Variants in PIK3C3 observed in about 807,000 individuals in gnomAD.
PIK3C3 encodes the protein PI3-kinase type 3.
In PIK3C3, 95 loss-of-function variants were observed where a neutral mutation model predicts 126.1. That is an observed-to-expected ratio of 0.75 (90% CI 0.64 to 0.89). The LOEUF (loss-of-function observed/expected upper bound fraction) is 0.89, where lower values mean the gene tolerates loss of function less well. Among genes scored for constraint, PIK3C3 ranks in the 40% least tolerant of loss-of-function variants. The pLI is 0.00. For missense variants in PIK3C3, 829 were observed against 1,063.2 expected (o/e 0.78, Z 3.06); for synonymous variants, 374 against 360.0 (o/e 1.04, Z -0.44).
intron 3 of PIK3C3, among the ~76,000 whole-genome samples, chr18:41,964,929 A>G (rs1980280147): frequency 6.6e-6 from 1 of 152,222 alleles, no homozygotes; most frequent in South Asian, 2.1e-4. Context: ...TGGCTATTAA[A>G]GAGATATTTG....
intron 9 of PIK3C3, among the ~76,000 whole-genome samples, chr18:42,001,266 C>T (rs1982275443): frequency 6.6e-6 from 1 of 152,150 alleles, no homozygotes; most frequent in South Asian, 2.1e-4. Flanking sequence ...AAACATTTTA[C>T]ATTCATTAAC....
At position 42,043,790 on chromosome 18, in the gene PIK3C3, G is replaced by A; in HGVS notation, c.2161G>A (p.Val721Ile). 6.2e-7 allele frequency: 1 copy of A among 1,613,038 alleles called. No homozygotes were observed. Among genetic ancestry groups the A allele is most frequent in the Non-Finnish European group, 8.5e-7 (1 of 1,179,204 alleles). The change falls in exon 20 of 25, where the codon GTC (valine) becomes ATC (isoleucine). Residue 721 changes from valine to isoleucine, a missense_variant. Coordinates refer to ENST00000262039, the MANE Select transcript of PIK3C3 (RefSeq NM_002647.4). ...ENGPNGISAEVMDTYVKSCAG... is the reference protein window; with the variant it reads ...ENGPNGISAEIMDTYVKSCAG... ...TGGGCCAAATGGGATTAGTGCTGAGGTCATGGACACTTACGTTAAAAGCTG... is the reference window on the plus strand; with the variant it reads ...TGGGCCAAATGGGATTAGTGCTGAGATCATGGACACTTACGTTAAAAGCTG...
intron 21 of PIK3C3, among the ~76,000 whole-genome samples, chr18:42,056,593 CT>C (rs1985076463): frequency 6.6e-6 from 1 of 152,050 alleles, no homozygotes; most frequent in Non-Finnish European, 1.5e-5. Context: ...ATATTGTGAG[CT>C]TCTTATTTCT....
At chr18:42,006,835 G>A (rs1227458978) in intron 10 of PIK3C3, among the ~76,000 whole-genome samples, 3 of 150,496 alleles carry the variant, frequency 2.0e-5, no homozygotes, top group Admixed American at 6.7e-5. Context: ...GGGAGGGTAG[G>A]TGGGTATGTT....
At chr18:42,066,608 T>A (rs1985549658) in intron 23 of PIK3C3, among the ~76,000 whole-genome samples, 1 of 152,206 alleles carries the variant, frequency 6.6e-6, no homozygotes, top group South Asian at 2.1e-4. Context: ...ATCTACTGTA[T>A]GTTTGCGTAT....
At chr18:41,978,481 G>A (rs1028763074) in intron 4 of PIK3C3, among the ~76,000 whole-genome samples, 8 of 152,140 alleles carry the variant, frequency 5.3e-5, no homozygotes, top group African/African-American at 1.9e-4. Flanking sequence ...AAAGGACCAA[G>A]GGGTTCTTTG....
intron 9 of PIK3C3, among the ~76,000 whole-genome samples, chr18:42,003,735 G>A (rs10775471): frequency 0.22 from 34,034 of 152,184 alleles, 4,291 homozygotes; most frequent in South Asian, 0.39. Context: ...CCAGATCATA[G>A]ACTGTTTGCT....
At chr18:42,078,925 G>A (rs1598965324) in intron 24 of PIK3C3, among the ~76,000 whole-genome samples, 1 of 152,300 alleles carries the variant, frequency 6.6e-6, no homozygotes, top group East Asian at 1.9e-4. Context: ...ATTAGGCTTT[G>A]GCTTATGGGG....
intron 7 of PIK3C3, among the ~76,000 whole-genome samples, chr18:41,994,236 G>A (rs920382469): frequency 1.3e-5 from 2 of 152,058 alleles, no homozygotes; most frequent in Non-Finnish European, 1.5e-5. Flanking sequence ...GGCCACTTGC[G>A]GATCTGGTAG....
chr18:42,016,063 A>G (rs555309812), intron 12 of PIK3C3, among the ~76,000 whole-genome samples: 2 of 152,316 alleles, frequency 1.3e-5, no homozygotes, highest in African/African-American at 4.8e-5. Context: ...GATGTAGTAC[A>G]TATTTTTTAA....
In PIK3C3 at chr18:42,067,414, G is replaced by A. The variant is rs771102429; in HGVS notation, c.2550G>A (p.Leu850=). The stretch of plus-strand genomic sequence containing the variant: ...TTCAGGATAAATTCCGCTTAGACCT[G>A]TCGGATGAAGAGGCTGTGCATTACA... ...KKVQDKFRLD[L]SDEEAVHYMQ... Residue 850 remains leucine (L), a synonymous_variant, in exon 24 of 25, where the codon CTG becomes CTA. Transcript: ENST00000262039. 12 of 1,613,910 alleles carry A rather than the reference G, an allele frequency of 7.4e-6. No homozygotes were observed. Among genetic ancestry groups the A allele is most frequent in the Middle Eastern group, 1.6e-4 (1 of 6,084 alleles).
At chr18:42,031,411 G>A (rs1983819900) in intron 15 of PIK3C3, among the ~76,000 whole-genome samples, 1 of 152,032 alleles carries the variant, frequency 6.6e-6, no homozygotes, top group Admixed American at 6.6e-5. Flanking sequence ...CTAATAAAAT[G>A]CCTTTTTCAT....
At chr18:42,063,462 TA>T (rs1255624137) in intron 22 of PIK3C3, among the ~76,000 whole-genome samples, 1 of 152,194 alleles carries the variant, frequency 6.6e-6, no homozygotes, top group Non-Finnish European at 1.5e-5. Context: ...AAGAAATTAG[TA>T]ATTTAAAGCT....
Position 42,081,507 on chromosome 18 carries a change from T to G in PIK3C3, c.*370T>G, listed in dbSNP as rs916425863. The G allele has an allele frequency of 5.0e-6, 1 of 199,666 alleles. No individual in the cohort carries two copies. Among genetic ancestry groups the G allele is most frequent in the African/African-American group, 2.3e-5 (1 of 43,384 alleles). 12.4% of individuals were successfully genotyped at this position (199,666 alleles called of 1,614,324 possible). A position where few individuals can be genotyped will look rare whatever the true frequency, so the allele number is the denominator to read the frequency against. ...AAATGTTATTTTTTCCTCTTATATC[T>G]TCATATCAGGACAGCAGTAACCTGA... On this transcript the variant is annotated 3_prime_UTR_variant, in exon 25 of 25. Coordinates refer to ENST00000262039, the MANE Select transcript of PIK3C3 (RefSeq NM_002647.4).
intron 24 of PIK3C3, among the ~76,000 whole-genome samples, chr18:42,076,165 C>CATATATATATATGCACATATAT (rs1353014134): frequency 1.9e-5 from 2 of 103,676 alleles, no homozygotes; most frequent in Non-Finnish European, 3.7e-5. Context: ...TATATATGCA[C>CATATATATATATGCACATATAT]ATATATATAT....
At chr18:42,001,766 G>A (rs1353032270) in intron 9 of PIK3C3, among the ~76,000 whole-genome samples, 1 of 152,066 alleles carries the variant, frequency 6.6e-6, no homozygotes, top group Non-Finnish European at 1.5e-5. Context: ...GAGTACATCG[G>A]CATGCTACAA....
chr18:41,957,935 T>G (rs1382551901), intron 2 of PIK3C3, among the ~76,000 whole-genome samples, 177 bp downstream of exon 2: 3 of 152,260 alleles, frequency 2.0e-5, no homozygotes, highest in Non-Finnish European at 2.9e-5. Flanking sequence ...GTATTATAAC[T>G]GCAATTGAAA....
intron 24 of PIK3C3, among the ~76,000 whole-genome samples, chr18:42,070,307 G>A (rs1342952672): frequency 6.6e-6 from 1 of 152,196 alleles, no homozygotes; most frequent in Admixed American, 6.5e-5. Context: ...GAATTAAGTA[G>A]CATTTTTGAA....
At chr18:42,041,651 A>C (rs764661865) in intron 19 of PIK3C3, among the ~76,000 whole-genome samples, 3 of 151,776 alleles carry the variant, frequency 2.0e-5, no homozygotes, top group South Asian at 2.1e-4. Context: ...GAAAGATAAT[A>C]CACAGAAGGG....
Sources: gnomAD v4.1 joint callset for allele counts (sites outside exome capture counted in the v4.1 genomes callset) on GRCh38, gnomAD v4.1.1 for gene constraint, MANE v1.5 for transcripts, NCBI Gene and HGNC (gene_info 2026-07-23, HGNC 2026-07-21) for gene names.